CLSTN2: variants seen among roughly 807,000 people sequenced by gnomAD.
The protein encoded by CLSTN2 is calsyntenin-2.
Under a neutral mutation model 101.2 loss-of-function variants are expected in CLSTN2, and 48 were observed. The ratio of observed to expected loss-of-function variants is 0.47; its 90% CI spans 0.38 to 0.60. The LOEUF (loss-of-function observed/expected upper bound fraction) is 0.60, where lower values mean the gene tolerates loss of function less well. Ranked by LOEUF, CLSTN2 falls within the 20% of genes least tolerant of loss-of-function variation. CLSTN2 has a pLI of 0.00. For missense variants in CLSTN2, 1,160 were observed against 1,238.2 expected, an observed-to-expected ratio of 0.94 and a Z score of 0.95; for synonymous variants, 481 against 463.6, an observed-to-expected ratio of 1.04 and a Z score of -0.48.
intron 1 of CLSTN2, among the ~76,000 whole-genome samples, chr3:140,036,541 G>T (rs2007657897): frequency 6.7e-6 from 1 of 149,452 alleles, no homozygotes; most frequent in South Asian, 2.1e-4. Context: ...AGATATGTAG[G>T]TAAAAAGCCC....
Position 140,566,179 on chromosome 3 carries a change from G to C in CLSTN2, c.2794G>C (p.Gly932Arg), listed in dbSNP as rs533300593. 2.5e-6 allele frequency: 4 copies of C among 1,610,470 alleles called. No individual in the cohort carries two copies. The highest frequency in any genetic ancestry group is 2.2e-5 in the East Asian group (1 of 44,744). The change falls in exon 17 of 17, where the codon GGC (glycine) becomes CGC (arginine). Residue 932 changes from glycine (G) to arginine (R), a missense_variant. Coordinates refer to ENST00000458420, the MANE Select transcript of CLSTN2 (RefSeq NM_022131.3). ...SEEEEEEEGM[G>R]RGRHGQNGAR... ...AGAGGAGGAGGAGGAGGAAGGGATG[G>C]GCAGAGGCAGACATGGGCAGAATGG...
chr3:140,241,931 A>G (rs1307635539), intron 2 of CLSTN2, among the ~76,000 whole-genome samples: 1 of 150,978 alleles, frequency 6.6e-6, no homozygotes, highest in Non-Finnish European at 1.5e-5. Flanking sequence ...AATTTGACAC[A>G]GAGTGTCACT....
intron 2 of CLSTN2, among the ~76,000 whole-genome samples, chr3:140,220,910 G>A (rs1176896144): frequency 6.6e-6 from 1 of 152,196 alleles, no homozygotes; most frequent in African/African-American, 2.4e-5. Flanking sequence ...TCTCAGTTAG[G>A]TGGTGAGTTA....
At chr3:140,527,930 A>G (rs557348547) in intron 8 of CLSTN2, among the ~76,000 whole-genome samples, 1 of 152,312 alleles carries the variant, frequency 6.6e-6, no homozygotes, top group Non-Finnish European at 1.5e-5. Flanking sequence ...GGGGAGGGAA[A>G]GAGAGGGGAA....
intron 1 of CLSTN2, among the ~76,000 whole-genome samples, chr3:139,953,931 T>TG (rs1576374977): frequency 1.0e-4 from 15 of 147,492 alleles, no homozygotes; most frequent in African/African-American, 3.8e-4. Context: ...GTGTGTGTGT[T>TG]TGTGTGTGTG....
At chr3:139,975,242 T>C (rs1284698044) in intron 1 of CLSTN2, among the ~76,000 whole-genome samples, 1 of 152,060 alleles carries the variant, frequency 6.6e-6, no homozygotes, top group Non-Finnish European at 1.5e-5. Flanking sequence ...GAGGTAGGGC[T>C]GAGGAAGTCT....
Position 140,562,196 on chromosome 3 carries a change from G to C in CLSTN2, c.2100G>C (p.Leu700Phe), listed in dbSNP as rs1334004316. ...ATAACTTAGATTTCTGTGACATTTT[G>C]GTGATCGGAGGGGACTTGGACCCAA... Reference protein sequence around the residue: ...MLHNLDFCDILVIGGDLDPRQ... With the variant: ...MLHNLDFCDIFVIGGDLDPRQ... The change falls in exon 13 of 17, where the codon TTG becomes TTC. Residue 700 changes from leucine (L) to phenylalanine (F), a missense_variant. By Grantham distance (22) the Leu-to-Phe change is conservative. Transcript: ENST00000458420. The C allele has an allele frequency of 2.5e-6, 4 of 1,613,954 alleles. No homozygotes were observed. The South Asian group carries it at 4.4e-5, about 18-fold the overall frequency.
In CLSTN2 at chr3:139,935,578, C is replaced by T. The variant is rs1051949323; in HGVS notation, c.109+95C>T. ...GGACCTAGGCTCAAGCTGGATTTGC[C>T]CACCCTCCCTTGCCGCAGCTTCTTT... On this transcript the variant is annotated intron_variant, in intron 1 of 16. Transcript: ENST00000458420. The surrounding 1 kb of genome is among the most constrained non-coding windows in gnomAD (Gnocchi z 5.5). 5.1e-6 allele frequency: 3 copies of T among 588,356 alleles called. No homozygotes were observed. The highest frequency in any genetic ancestry group is 7.5e-6 in the Non-Finnish European group (3 of 401,660). The allele number at this position is 588,356 out of a possible 1,614,324, so 36.4% of individuals were successfully genotyped here.
chr3:139,941,370 C>T (rs1935124868), intron 1 of CLSTN2, among the ~76,000 whole-genome samples: 1 of 152,172 alleles, frequency 6.6e-6, no homozygotes, highest in African/African-American at 2.4e-5. Context: ...CCCTTCCAGA[C>T]ATGCACTAGG....
chr3:140,241,419 C>A (rs1426584430), intron 2 of CLSTN2, among the ~76,000 whole-genome samples: 1 of 152,088 alleles, frequency 6.6e-6, no homozygotes, highest in Non-Finnish European at 1.5e-5. Context: ...GTCCACCGAC[C>A]TTGATCTGTG....
intron 1 of CLSTN2, among the ~76,000 whole-genome samples, chr3:140,125,005 G>T (rs1357510193): frequency 6.6e-6 from 1 of 152,182 alleles, no homozygotes; most frequent in Non-Finnish European, 1.5e-5. Flanking sequence ...AAGAGAGCCA[G>T]AGTGATCCTT....
chr3:139,957,473 G>A (rs960228430), intron 1 of CLSTN2, among the ~76,000 whole-genome samples: 2 of 151,642 alleles, frequency 1.3e-5, no homozygotes, highest in African/African-American at 4.9e-5. Context: ...GCCTCAAATA[G>A]AGTTTATGTA....
chr3:140,025,480 A>T (rs1319910271), intron 1 of CLSTN2, among the ~76,000 whole-genome samples: 1 of 152,202 alleles, frequency 6.6e-6, no homozygotes, highest in African/African-American at 2.4e-5. Flanking sequence ...AAAGGAAATC[A>T]AACAAAAATT....
chr3:140,120,725 T>C (rs2009327013), intron 1 of CLSTN2, among the ~76,000 whole-genome samples: 1 of 152,192 alleles, frequency 6.6e-6, no homozygotes, highest in African/African-American at 2.4e-5. Flanking sequence ...ATCTTGTCTG[T>C]CTGTCTGTCT....
intron 1 of CLSTN2, among the ~76,000 whole-genome samples, chr3:140,120,716 T>G (rs1576434276): frequency 6.6e-6 from 1 of 152,170 alleles, no homozygotes; most frequent in Non-Finnish European, 1.5e-5. Flanking sequence ...TGGATGAATA[T>G]CTTGTCTGTC....
chr3:140,410,478 G>C (rs2107983357), intron 4 of CLSTN2, among the ~76,000 whole-genome samples: 1 of 147,980 alleles, frequency 6.8e-6, no homozygotes, highest in East Asian at 2.0e-4. Context: ...CAGAAATTAA[G>C]GAGAAACAAA....
chr3:140,515,501 T>C (rs1052888300), intron 8 of CLSTN2, among the ~76,000 whole-genome samples: 2 of 152,166 alleles, frequency 1.3e-5, no homozygotes, highest in African/African-American at 4.8e-5. Context: ...GATGTAGGGA[T>C]TTAATGCTAT....
At chr3:140,187,742 G>C (rs1418325831) in intron 2 of CLSTN2, among the ~76,000 whole-genome samples, 1 of 152,030 alleles carries the variant, frequency 6.6e-6, no homozygotes. Context: ...CACTGTGTCT[G>C]TCCACTCACT....
rs200950102 is a variant in CLSTN2, at chr3:140,260,285, C to T, written c.232+84212C>T. ...GAATGGTGAGGGCAGACATTCTTACCTTTTTCCTGATCTTAGGAACTATCA... is the reference window on the plus strand; with the variant it reads ...GAATGGTGAGGGCAGACATTCTTACTTTTTTCCTGATCTTAGGAACTATCA... On this transcript the variant is annotated intron_variant, in intron 2 of 16. Coordinates refer to ENST00000458420, the MANE Select transcript of CLSTN2 (RefSeq NM_022131.3). Among the ~76,000 whole-genome samples the T allele has an allele frequency of 2.0e-5, 3 of 151,752 alleles. No homozygotes were observed. In the East Asian group the frequency reaches 5.8e-4, roughly 29 times the overall value.
Sources: gnomAD v4.1 joint callset for allele counts (sites outside exome capture counted in the v4.1 genomes callset) on GRCh38, gnomAD v4.1.1 for gene constraint, Gnocchi (gnomAD v3.1) non-coding constraint, MANE v1.5 for transcripts, NCBI Gene and HGNC (gene_info 2026-07-23, HGNC 2026-07-21) for gene names.